The following SERPINB10 variants were observed in gnomAD, a reference collection of about 807,000 sequenced individuals.
The protein encoded by SERPINB10 is serpin B10.
SERPINB10 carries 35 observed loss-of-function variants against 39.1 expected under a neutral mutation model. That is an observed-to-expected ratio of 0.90 (90% CI 0.68 to 1.19). The LOEUF (loss-of-function observed/expected upper bound fraction) is 1.19, where lower values mean the gene tolerates loss of function less well. SERPINB10 is among the 50% of genes most tolerant of loss of function. The pLI, the probability that SERPINB10 is intolerant of heterozygous loss-of-function variation, is 0.00. For synonymous variants in SERPINB10, 190 were observed against 158.1 expected, an observed-to-expected ratio of 1.20 and a Z score of -1.52; for missense variants, 546 against 460.5, an observed-to-expected ratio of 1.19 and a Z score of -1.70.
At position 63,930,184 on chromosome 18, in the gene SERPINB10, C is replaced by T. The variant is rs76653736; in HGVS notation, c.630C>T (p.Asn210=). Residue 210 remains asparagine, a synonymous_variant, in exon 6 of 8, where the codon AAC becomes AAT. Coordinates refer to ENST00000238508, the MANE Select transcript of SERPINB10 (RefSeq NM_005024.3). ...CCACAGAAAAGCCTTTTAGAATAAA[C>T]GAGGTAGGAAATTTTTAAAGATCAG... ...QNTTEKPFRI[N]ETTSKPVQMM... is the part of the protein sequence containing the mutation. 5,290 of 1,611,854 alleles carry T rather than the reference C, an allele frequency of 3.3e-3. 149 individuals are homozygous for T. The African/African-American group carries it at 0.058, about 18-fold the overall frequency.
In SERPINB10 at chr18:63,919,820, T is replaced by C; in HGVS notation, c.405T>C (p.Gly135=). 1 of 1,608,404 alleles carries C rather than the reference T, an allele frequency of 6.2e-7. No homozygotes were observed. Among genetic ancestry groups the C allele is most frequent in the East Asian group, 2.2e-5 (1 of 44,558 alleles). Reference sequence around the variant, plus strand: ...TAGAAGACATGAAAACATATTTTGGTGCAGAACCTCAGCCTGTTAACTTTG... The same window carrying C: ...TAGAAGACATGAAAACATATTTTGGCGCAGAACCTCAGCCTGTTAACTTTG... ...KYLEDMKTYF[G]AEPQPVNFVE... The change falls in exon 5 of 8, where the codon GGT becomes GGC. Residue 135 remains glycine (G), a synonymous_variant. Transcript: ENST00000238508.
chr18:63,912,354 C>A (rs558862681), intron 1 of SERPINB10, among the ~76,000 whole-genome samples: 2 of 151,954 alleles, frequency 1.3e-5, no homozygotes, highest in Non-Finnish European at 1.5e-5. Flanking sequence ...GCATTCTTGT[C>A]TTGTTCCAGT....
intron 5 of SERPINB10, among the ~76,000 whole-genome samples, chr18:63,925,381 A>G (rs988856734): frequency 1.3e-5 from 2 of 151,978 alleles, no homozygotes; most frequent in Admixed American, 1.3e-4. Flanking sequence ...CCTTCTTTCA[A>G]AAAAAGAAAG....
At chr18:63,928,334 C>G (rs1443774834) in intron 5 of SERPINB10, among the ~76,000 whole-genome samples, 2 of 151,974 alleles carry the variant, frequency 1.3e-5, no homozygotes, top group Non-Finnish European at 2.9e-5. Flanking sequence ...ACCTATAATA[C>G]CTGATTCGAG....
intron 1 of SERPINB10, among the ~76,000 whole-genome samples, chr18:63,910,355 A>G (rs1245746244): frequency 1.3e-5 from 2 of 151,956 alleles, no homozygotes; most frequent in African/African-American, 2.4e-5. Flanking sequence ...GTTTGTTAGA[A>G]GGGTATAATG....
intron 1 of SERPINB10, among the ~76,000 whole-genome samples, chr18:63,911,919 T>G (rs2050067625): frequency 6.9e-6 from 1 of 144,526 alleles, no homozygotes; most frequent in Non-Finnish European, 1.5e-5. Flanking sequence ...CATGGAATGT[T>G]TTTCCATTTG....
At chr18:63,928,598 G>A (rs1224572522) in intron 5 of SERPINB10, among the ~76,000 whole-genome samples, 1 of 151,980 alleles carries the variant, frequency 6.6e-6, no homozygotes, top group Non-Finnish European at 1.5e-5. Context: ...CAGTCCCCTC[G>A]AAATAGGGGT....
chr18:63,914,793 G>T (rs1166190187), intron 1 of SERPINB10, among the ~76,000 whole-genome samples: 3 of 151,970 alleles, frequency 2.0e-5, no homozygotes, highest in Non-Finnish European at 2.9e-5. Flanking sequence ...GGTGTGGTAG[G>T]CTGGCCAGCT....
In SERPINB10 at chr18:63,918,034, C is replaced by G. The variant is rs984152846; in HGVS notation, c.304C>G (p.Pro102Ala). 2 of 1,612,112 alleles carry G rather than the reference C, an allele frequency of 1.2e-6. No homozygotes were observed. The highest frequency in any genetic ancestry group is 1.7e-6 in the Non-Finnish European group (2 of 1,178,720). Residue 102 changes from proline to alanine, a missense_variant, in exon 4 of 8, where the codon CCC becomes GCC. Coordinates refer to ENST00000238508, the MANE Select transcript of SERPINB10 (RefSeq NM_005024.3). ...FQTLISEILK[P>A]NDDYLLKTAN... ...AACACTTATCTCAGAAATCCTCAAG[C>G]CCAACGATGACTACTTACTTAAAAC...
intron 4 of SERPINB10, among the ~76,000 whole-genome samples, chr18:63,919,395 G>T (rs1395659086): frequency 1.3e-5 from 2 of 151,844 alleles, no homozygotes; most frequent in African/African-American, 4.8e-5. Context: ...GCCTCACTTT[G>T]GTTTCATACC....
chr18:63,934,763 G>T (rs767250518), intron 7 of SERPINB10, 75 bp from the exon 8 acceptor site: 171 of 1,443,242 alleles, frequency 1.2e-4, no homozygotes, highest in East Asian at 4.8e-4. Context: ...TAATTCCTAG[G>T]GTGCTCTCTC....
At chr18:63,927,912 G>A (rs180686567) in intron 5 of SERPINB10, among the ~76,000 whole-genome samples, 1 of 152,104 alleles carries the variant, frequency 6.6e-6, no homozygotes, top group African/African-American at 2.4e-5. Flanking sequence ...AAAGTAATCA[G>A]AGAATTTTCT....
chr18:63,919,764 G>A lies in SERPINB10; in HGVS notation c.373-24G>A, dbSNP rs757602586. The A allele has an allele frequency of 2.7e-6, 4 of 1,468,216 alleles. No homozygotes were observed. The South Asian group carries it at 3.6e-5, about 13-fold the overall frequency. The allele number at this position is 1,468,216 out of a possible 1,614,324, so 90.9% of individuals were successfully genotyped here. A position where few individuals can be genotyped will look rare whatever the true frequency, so the allele number is the denominator to read the frequency against. On this transcript the variant is annotated intron_variant, in intron 4 of 7. Coordinates refer to ENST00000238508, the MANE Select transcript of SERPINB10 (RefSeq NM_005024.3). The stretch of plus-strand genomic sequence containing the variant: ...CAATTTTGAACAAACTCTACAAAAG[G>A]GGATTTTTATCTATGTCTTTCAGAA...
intron 5 of SERPINB10, among the ~76,000 whole-genome samples, chr18:63,922,625 G>T (rs929032466): frequency 6.6e-6 from 1 of 151,966 alleles, no homozygotes; most frequent in African/African-American, 2.4e-5. Context: ...GCTGTTGTCT[G>T]GTGCCACATA....
chr18:63,910,310 A>C (rs2050054647), intron 1 of SERPINB10, among the ~76,000 whole-genome samples: 3 of 152,104 alleles, frequency 2.0e-5, no homozygotes, highest in South Asian at 2.1e-4. Flanking sequence ...AAATAATTTC[A>C]GTTTTTACTT....
At chr18:63,912,069 G>C (rs758742700) in intron 1 of SERPINB10, among the ~76,000 whole-genome samples, 23 of 151,530 alleles carry the variant, frequency 1.5e-4, no homozygotes, top group Non-Finnish European at 1.8e-4. Flanking sequence ...GTAGTCTTGA[G>C]TTGGCTCCCT....
At chr18:63,917,907 T>C (rs1293795594) in intron 3 of SERPINB10, 58 bp from the exon 4 acceptor site, 4 of 1,485,436 alleles carry the variant, frequency 2.7e-6, no homozygotes, top group Non-Finnish European at 2.8e-6. Context: ...TTTAGTTTGC[T>C]AACATGTACG....
At chr18:63,924,843 G>A (rs2050169618) in intron 5 of SERPINB10, among the ~76,000 whole-genome samples, 1 of 151,838 alleles carries the variant, frequency 6.6e-6, no homozygotes, top group Non-Finnish European at 1.5e-5. Flanking sequence ...TTGGCTTGTA[G>A]CACTGTTTCA....
intron 1 of SERPINB10, among the ~76,000 whole-genome samples, chr18:63,912,143 G>A (rs9966202): frequency 0.26 from 39,498 of 151,738 alleles, 5,788 homozygotes; most frequent in African/African-American, 0.39. Context: ...GTGTTCTGAA[G>A]CTTTACTGAA....
Sources: gnomAD v4.1 joint callset for allele counts (sites outside exome capture counted in the v4.1 genomes callset) on GRCh38, gnomAD v4.1.1 for gene constraint, MANE v1.5 for transcripts, NCBI Gene and HGNC (gene_info 2026-07-23, HGNC 2026-07-21) for gene names.